The following CHSY1 variants were observed in gnomAD, a reference collection of about 807,000 sequenced individuals.
CHSY1 encodes chondroitin sulfate synthase 1.
In CHSY1, 13 loss-of-function variants were observed where a neutral mutation model predicts 59.8. The observed-to-expected ratio is 0.22, with a 90% CI of 0.14 to 0.35. The LOEUF is 0.35. CHSY1 is among the 10% of genes least tolerant of loss of function. The pLI, the probability that CHSY1 is intolerant of heterozygous loss-of-function variation, is 1.00. For missense variants in CHSY1, 947 were observed against 1,030.6 expected (o/e 0.92, Z 1.11); for synonymous variants, 459 against 401.2 (o/e 1.14, Z -1.72).
At chr15:101,216,645 G>T (rs2141264022) in intron 2 of CHSY1, among the ~76,000 whole-genome samples, 1 of 152,344 alleles carries the variant, frequency 6.6e-6, no homozygotes, top group East Asian at 1.9e-4. Flanking sequence ...TGTATGGTAT[G>T]ATTCCAATTA....
In CHSY1 at chr15:101,249,492, T is replaced by G. The variant is rs191216988; in HGVS notation, c.320+1645A>C. ...CTGCACTAGTCTATGTATCTCTATCTATCGATCGATAGATAGAATTTTTTT... is the reference window on the plus strand; with the variant it reads ...CTGCACTAGTCTATGTATCTCTATCGATCGATCGATAGATAGAATTTTTTT... On this transcript the variant is annotated intron_variant, in intron 1 of 2. Coordinates refer to ENST00000254190, the MANE Select transcript of CHSY1 (RefSeq NM_014918.5). 1.2e-4 allele frequency among the ~76,000 whole-genome samples: 18 copies of G among 150,708 alleles called. No homozygotes were observed. In the South Asian group the frequency reaches 2.3e-3, roughly 19 times the overall value.
intron 1 of CHSY1, among the ~76,000 whole-genome samples, chr15:101,239,628 A>G (rs2038982145): frequency 6.6e-6 from 1 of 152,374 alleles, no homozygotes; most frequent in Middle Eastern, 3.4e-3. Flanking sequence ...CAAATAAGGT[A>G]GTGAAAGAAC....
At chr15:101,228,187 C>A (rs2038859336) in intron 2 of CHSY1, among the ~76,000 whole-genome samples, 1 of 150,758 alleles carries the variant, frequency 6.6e-6, no homozygotes, top group Non-Finnish European at 1.5e-5. Context: ...ATCCATGAAA[C>A]TGAAAGTAGG....
At chr15:101,234,775 G>A (rs749696882) in intron 2 of CHSY1, among the ~76,000 whole-genome samples, 17 of 152,282 alleles carry the variant, frequency 1.1e-4, no homozygotes, top group Non-Finnish European at 1.6e-4. Flanking sequence ...GCTGAGGCAG[G>A]AGAATTGCTT....
intron 2 of CHSY1, among the ~76,000 whole-genome samples, chr15:101,206,512 G>A (rs886223043): frequency 2.6e-5 from 4 of 152,198 alleles, no homozygotes; most frequent in Middle Eastern, 3.4e-3. Flanking sequence ...ACCAAGATCC[G>A]TTTCCCATGA....
chr15:101,178,145 A>G lies in CHSY1; in HGVS notation c.1652T>C (p.Met551Thr). Residue 551 changes from methionine to threonine, a missense_variant, in exon 3 of 3, where the codon ATG (methionine) becomes ACG (threonine). Around this residue, in one of 4 missense-constraint regions of CHSY1, gnomAD observed 602 missense variants for 676.9 expected, o/e 0.89. Coordinates refer to ENST00000254190, the MANE Select transcript of CHSY1 (RefSeq NM_014918.5). ...SGRFDMFVRFMGNFEKTCLIP... is the reference protein window; with the variant it reads ...SGRFDMFVRFTGNFEKTCLIP... ...AAGACACGTCTTCTCAAAGTTTCCCATAAATCTCACAAACATGTCGAAACG... is the reference window on the plus strand; with the variant it reads ...AAGACACGTCTTCTCAAAGTTTCCCGTAAATCTCACAAACATGTCGAAACG... 1 of 1,614,234 alleles carries G rather than the reference A, an allele frequency of 6.2e-7. No homozygotes were observed. The highest frequency in any genetic ancestry group is 1.3e-5 in the African/African-American group (1 of 75,072).
chr15:101,176,352 A>G lies in CHSY1; in HGVS notation c.*1036T>C, dbSNP rs999317278. The G allele has an allele frequency of 7.5e-6, 3 of 398,486 alleles. No homozygotes were observed. The highest frequency in any genetic ancestry group is 2.1e-5 in the African/African-American group (1 of 48,650). The allele number at this position is 398,486 out of a possible 1,614,324, so 24.7% of individuals were successfully genotyped here. A position where few individuals can be genotyped will look rare whatever the true frequency, so the allele number is the denominator to read the frequency against. ...ACAAAACCAAATACATTTTTCCCCA[A>G]CGTTTTGATTAGGGTGTATGTGTGT... On this transcript the variant is annotated 3_prime_UTR_variant, in exon 3 of 3. Transcript: ENST00000254190.
At chr15:101,198,849 G>A (rs1286114658) in intron 2 of CHSY1, among the ~76,000 whole-genome samples, 1 of 152,176 alleles carries the variant, frequency 6.6e-6, no homozygotes, top group South Asian at 2.1e-4. Context: ...GCAGCTGGGA[G>A]CGAGATCCCA....
At chr15:101,188,104 C>T (rs190607984) in intron 2 of CHSY1, 5 of 985,416 alleles carry the variant, frequency 5.1e-6, no homozygotes, top group East Asian at 1.1e-4. Flanking sequence ...TCCTTCAGCA[C>T]GTACACGGTT....
chr15:101,194,295 A>G (rs2141249233), intron 2 of CHSY1, among the ~76,000 whole-genome samples: 1 of 152,374 alleles, frequency 6.6e-6, no homozygotes, highest in Non-Finnish European at 1.5e-5. Context: ...ACCTGTCTCA[A>G]CTAATTAAAT....
intron 2 of CHSY1, among the ~76,000 whole-genome samples, chr15:101,213,088 C>G (rs566871185): frequency 2.6e-4 from 40 of 152,070 alleles, no homozygotes; most frequent in Non-Finnish European, 4.6e-4. Context: ...GTTAATTCTT[C>G]CGAAAAGAGG....
intron 2 of CHSY1, among the ~76,000 whole-genome samples, chr15:101,232,343 T>C (rs1026146620): frequency 4.6e-5 from 7 of 152,222 alleles, no homozygotes; most frequent in Admixed American, 2.0e-4. Context: ...ACACGAAGGA[T>C]TAATCTTACC....
intron 2 of CHSY1, among the ~76,000 whole-genome samples, chr15:101,215,483 C>T (rs2038722438): frequency 6.6e-6 from 1 of 152,262 alleles, no homozygotes; most frequent in Middle Eastern, 3.4e-3. Flanking sequence ...GCCTGTAATC[C>T]CAGCATCTGA....
At chr15:101,216,590 C>T (rs2038735639) in intron 2 of CHSY1, among the ~76,000 whole-genome samples, 1 of 152,118 alleles carries the variant, frequency 6.6e-6, no homozygotes, top group Admixed American at 6.5e-5. Flanking sequence ...TGGATGAATC[C>T]TAGATGCAGA....
At position 101,249,227 on chromosome 15, in the gene CHSY1, T is replaced by C. The variant is rs1176263908; in HGVS notation, c.320+1910A>G. On this transcript the variant is annotated intron_variant, in intron 1 of 2. Transcript: ENST00000254190. Reference sequence around the variant, plus strand: ...GGGGGAGATAAGGGAGTTACCTAATTTACTGTTTGTACTAACTGGTTTGTT... The same window carrying C: ...GGGGGAGATAAGGGAGTTACCTAATCTACTGTTTGTACTAACTGGTTTGTT... Among the ~76,000 whole-genome samples the C allele has an allele frequency of 3.3e-5, 5 of 152,172 alleles. No individual in the cohort carries two copies. In the East Asian group the frequency reaches 5.8e-4, roughly 18 times the overall value.
Position 101,177,132 on chromosome 15 carries a change from A to T in CHSY1, c.*256T>A, listed in dbSNP as rs576457680. ...GGGTCTCAAAAGAAAACATTTTTTTAAAAAAGTTTTGTTCATCAGGTACAT... is the reference window on the plus strand; with the variant it reads ...GGGTCTCAAAAGAAAACATTTTTTTTAAAAAGTTTTGTTCATCAGGTACAT... On this transcript the variant is annotated 3_prime_UTR_variant, in exon 3 of 3. Coordinates refer to ENST00000254190, the MANE Select transcript of CHSY1 (RefSeq NM_014918.5). The T allele has an allele frequency of 2.1e-5, 8 of 385,846 alleles. No homozygotes were observed. The highest frequency in any genetic ancestry group is 1.8e-4 in the East Asian group (4 of 22,280). 23.9% of individuals were successfully genotyped at this position (385,846 alleles called of 1,614,324 possible).
intron 1 of CHSY1, among the ~76,000 whole-genome samples, chr15:101,239,839 T>TA (rs2038984760): frequency 6.7e-6 from 1 of 149,588 alleles, no homozygotes; most frequent in Non-Finnish European, 1.5e-5. Context: ...GAAACTTCCC[T>TA]ACTAGACTGA....
chr15:101,232,156 C>CA (rs202199037), intron 2 of CHSY1, among the ~76,000 whole-genome samples: 100 of 151,708 alleles, frequency 6.6e-4, no homozygotes, highest in Middle Eastern at 3.4e-3. Flanking sequence ...TTCTACTCGC[C>CA]AAAAAAAACA....
chr15:101,235,075 T>C lies in CHSY1; in HGVS notation c.816+7A>G, dbSNP rs199985166. 23 of 1,613,144 alleles carry C rather than the reference T, an allele frequency of 1.4e-5. No homozygotes were observed. The highest frequency in any genetic ancestry group is 1.8e-5 in the Non-Finnish European group (21 of 1,180,034). ...GTTTTTCCCATGGTAAAGAATTCTG[T>C]TCTTACCTCATAAGACCAGACACAC... On this transcript the variant is annotated splice_region_variant and intron_variant, in intron 2 of 2. Transcript: ENST00000254190.
Sources: allele counts gnomAD v4.1 joint callset (sites outside exome capture counted in the v4.1 genomes callset), GRCh38; gene constraint gnomAD v4.1.1; regional missense constraint gnomAD v4.1.1; transcripts MANE v1.5; gene names NCBI Gene and HGNC (gene_info 2026-07-23, HGNC 2026-07-21).